SELENOO: variants seen among roughly 807,000 people sequenced by gnomAD.
The protein encoded by SELENOO is protein adenylyltransferase SelO, mitochondrial.
Under a neutral mutation model 58.7 loss-of-function variants are expected in SELENOO, and 74 were observed. The observed-to-expected ratio is 1.26, with a 90% CI of 1.04 to 1.53. SELENOO has a LOEUF of 1.53. Ranked by LOEUF, SELENOO falls within the 40% of genes most tolerant of loss-of-function variation. The pLI is 0.00. For synonymous variants in SELENOO, 543 were observed against 453.2 expected (o/e 1.20, Z -2.52); for missense variants, 1,149 against 970.0 (o/e 1.18, Z -2.45).
rs750193826 is a variant in SELENOO, at chr22:50,217,367, T to G, written c.2008T>G (p.Ter670GluextTer?). The part of the protein sequence containing the change: ...AAELCVTUSS[*>E] ...AGAACTGTGCGTGACATGATCTTCG[T>G]AACGGCCTCGGCACGCTCCACACCC... The change falls in exon 9 of 9, where the codon TAA becomes GAA. Residue 670 changes from the stop codon to glutamate (E), a stop_lost. Coordinates refer to ENST00000380903, the MANE Select transcript of SELENOO (RefSeq NM_031454.2). The G allele has an allele frequency of 8.1e-6, 13 of 1,612,608 alleles. 1 individual carries two copies. In the Middle Eastern group the frequency reaches 1.5e-3, roughly 184 times the overall value.
intron 6 of SELENOO, among the ~76,000 whole-genome samples, chr22:50,216,262 A>G (rs1029204580): frequency 1.1e-4 from 16 of 152,234 alleles, no homozygotes; most frequent in African/African-American, 3.9e-4. Flanking sequence ...CTTTAACTTA[A>G]AAAACAAGAC....
intron 3 of SELENOO, 105 bp from the exon 4 acceptor site, chr22:50,210,076 C>G (rs2147162602): frequency 7.4e-7 from 1 of 1,344,034 alleles, no homozygotes; most frequent in East Asian, 2.3e-5. Context: ...AGAGTGAGAG[C>G]CACTCAGCGA....
rs545311665 is a variant in SELENOO, at chr22:50,214,516, A to AGAC, written c.1352-1200_1352-1198dup. Among the ~76,000 whole-genome samples, 532 of 152,340 alleles carry AGAC rather than the reference A, an allele frequency of 3.5e-3. 3 individuals are homozygous for AGAC. The highest frequency in any genetic ancestry group is 0.012 in the African/African-American group (490 of 41,574). ...GTGCCTGTAATCTCAGCTACTCAGG[A>AGAC]GACTGAGGCAGGAGAGGCGGAGGTT... On this transcript the variant is annotated intron_variant, in intron 5 of 8. Transcript: ENST00000380903.
Position 50,210,868 on chromosome 22 carries a change from C to T in SELENOO, c.1308C>T (p.Asp436=), listed in dbSNP as rs36098069. Residue 436 remains aspartate (D), a synonymous_variant, in exon 5 of 9, where the codon GAC becomes GAT. Coordinates refer to ENST00000380903, the MANE Select transcript of SELENOO (RefSeq NM_031454.2). ...TCGTGCAGGTGGAGCTGGAGGAAGA[C>T]GGGGCGCTGGTGTCCAAGCTCCTGG... ...LGLVQVELEE[D]GALVSKLLET... 64,959 of 1,614,082 alleles carry T rather than the reference C, an allele frequency of 0.04. 1,570 individuals are homozygous for T. Among genetic ancestry groups the T allele is most frequent in the Non-Finnish European group, 0.048 (56,121 of 1,180,000 alleles).
At position 50,201,244 on chromosome 22, in the gene SELENOO, G is replaced by T; in HGVS notation, c.208G>T (p.Ala70Ser). The change falls in exon 1 of 9, where the codon GCC becomes TCC. Residue 70 changes from alanine (A) to serine (S), a missense_variant. Ala to Ser is a moderately conservative substitution (Grantham distance 99). Coordinates refer to ENST00000380903, the MANE Select transcript of SELENOO (RefSeq NM_031454.2). The stretch of plus-strand genomic sequence containing the variant: ...GGCGCCGCCGCCCGGTCCCGAGGGC[G>T]CCCCGTCCGCGCCGCGGCCCGTGCC... ...VEAPPPGPEG[A>S]PSAPRPVPGA... 1.8e-6 allele frequency: 2 copies of T among 1,096,788 alleles called. No homozygotes were observed. Among genetic ancestry groups the T allele is most frequent in the East Asian group, 5.6e-5 (1 of 17,724 alleles). 67.9% of individuals were successfully genotyped at this position (1,096,788 alleles called of 1,614,324 possible).
At chr22:50,217,176 A>C (rs1484367950) in intron 8 of SELENOO, 29 bp from the exon 9 acceptor site, 1 of 1,611,246 alleles carries the variant, frequency 6.2e-7, no homozygotes, top group East Asian at 2.2e-5. Context: ...GGTCGGCCCC[A>C]GACCCCTCTC....
At chr22:50,204,620 CAAA>C (rs34563111) in intron 1 of SELENOO, among the ~76,000 whole-genome samples, 84,528 of 147,912 alleles carry the variant, frequency 0.57, 23,700 homozygotes, top group South Asian at 0.69. Context: ...GACCCTGTCT[CAAA>C]AAAAAAAAAA....
intron 5 of SELENOO, among the ~76,000 whole-genome samples, chr22:50,212,221 TA>T (rs1338309624): frequency 3.9e-5 from 6 of 152,232 alleles, no homozygotes; most frequent in African/African-American, 1.4e-4. Context: ...CATTTGTTCG[TA>T]AGAGTATTTG....
At chr22:50,202,246 C>T (rs1569099305) in intron 1 of SELENOO, among the ~76,000 whole-genome samples, 1 of 150,994 alleles carries the variant, frequency 6.6e-6, no homozygotes, top group Non-Finnish European at 1.5e-5. Context: ...CAGAGAAATG[C>T]TAAACCCGCA....
At chr22:50,208,412 A>G in intron 2 of SELENOO, 124 bp from the exon 3 acceptor site, 1 of 845,066 alleles carries the variant, frequency 1.2e-6, no homozygotes, top group Non-Finnish European at 1.8e-6. Flanking sequence ...CCTGGACAAC[A>G]AGAGTGAGAC....
intron 4 of SELENOO, 97 bp downstream of exon 4, chr22:50,210,408 TGAGGGGGAGCC>T (rs2064360885): frequency 1.3e-6 from 2 of 1,490,684 alleles, no homozygotes; most frequent in Non-Finnish European, 1.8e-6. Flanking sequence ...CCGTGATGCT[TGAGGGGGAGCC>T]GAGGGGGCTG....
chr22:50,210,827 C>G lies in SELENOO; in HGVS notation c.1267C>G (p.Arg423Gly). Residue 423 changes from arginine to glycine, a missense_variant, in exon 5 of 9, where the codon CGC becomes GGC. By Grantham distance (125) the Arg-to-Gly change is moderately radical. Transcript: ENST00000380903. ...CCAAAGGCACTACCTGCAGAAGATGCGCAGGAAGCTGGGCCTCGTGCAGGT... is the reference window on the plus strand; with the variant it reads ...CCAAAGGCACTACCTGCAGAAGATGGGCAGGAAGCTGGGCCTCGTGCAGGT... ...EFQRHYLQKM[R>G]RKLGLVQVEL... 6.2e-7 allele frequency: 1 copy of G among 1,614,060 alleles called. No individual in the cohort carries two copies. Among genetic ancestry groups the G allele is most frequent in the South Asian group, 1.1e-5 (1 of 91,086 alleles).
intron 5 of SELENOO, among the ~76,000 whole-genome samples, chr22:50,214,884 G>A (rs548139556): frequency 6.6e-6 from 1 of 152,176 alleles, no homozygotes; most frequent in Non-Finnish European, 1.5e-5. Flanking sequence ...TGAACGTCTT[G>A]CAGATCGTGT....
intron 1 of SELENOO, chr22:50,206,106 G>T: frequency 1.7e-6 from 1 of 598,286 alleles, no homozygotes. Flanking sequence ...ACCAGAGGCT[G>T]TGCCGACAAC....
At position 50,217,592 on chromosome 22, in the gene SELENOO, C is replaced by A. The variant is rs2064433358; in HGVS notation, c.*223C>A. 1.0e-6 allele frequency: 1 copy of A among 998,942 alleles called. No homozygotes were observed. The highest frequency in any genetic ancestry group is 1.6e-5 in the African/African-American group (1 of 60,822). The allele number at this position is 998,942 out of a possible 1,614,324, so 61.9% of individuals were successfully genotyped here. A position where few individuals can be genotyped will look rare whatever the true frequency, so the allele number is the denominator to read the frequency against. On this transcript the variant is annotated 3_prime_UTR_variant, in exon 9 of 9. Transcript: ENST00000380903. ...GTCCCTGGGGGCTGGACCCAGGCTC[C>A]TAAATAAACCAGCAACTCCCTCGAG...
At position 50,210,787 on chromosome 22, in the gene SELENOO, G is replaced by T; in HGVS notation, c.1227G>T (p.Glu409Asp). 6.2e-7 allele frequency: 1 copy of T among 1,613,946 alleles called. No homozygotes were observed. Residue 409 changes from glutamate to aspartate, a missense_variant, in exon 5 of 9, where the codon GAG (glutamate) becomes GAT (aspartate). By Grantham distance (45) the Glu-to-Asp change is conservative (BLOSUM62 2). Transcript: ENST00000380903. ...LELGEAILAE[E>D]FDAEFQRHYL... ...TGGGGGAGGCCATCCTGGCCGAGGA[G>T]TTTGACGCCGAGTTCCAAAGGCACT...
At chr22:50,203,013 G>A (rs1602486984) in intron 1 of SELENOO, among the ~76,000 whole-genome samples, 1 of 152,252 alleles carries the variant, frequency 6.6e-6, no homozygotes, top group Non-Finnish European at 1.5e-5. Flanking sequence ...ACTCTTTGAA[G>A]AGATTCAGTA....
At chr22:50,217,157 T>C (rs1261030371) in intron 8 of SELENOO, 29 bp downstream of exon 8, 3 of 1,611,084 alleles carry the variant, frequency 1.9e-6, no homozygotes, top group Non-Finnish European at 1.7e-6. Context: ...CTGTGGTCCC[T>C]GGGAGGGGGG....
chr22:50,209,724 C>T (rs938087982), intron 3 of SELENOO, among the ~76,000 whole-genome samples: 2 of 152,148 alleles, frequency 1.3e-5, no homozygotes, highest in Non-Finnish European at 2.9e-5. Flanking sequence ...GGGCTCCTGG[C>T]CCCCCTGTTG....
Sources: allele counts gnomAD v4.1 joint callset (sites outside exome capture counted in the v4.1 genomes callset), GRCh38; gene constraint gnomAD v4.1.1; transcripts MANE v1.5; gene names NCBI Gene and HGNC (gene_info 2026-07-23, HGNC 2026-07-21).